CNTNAP5: variants seen among roughly 807,000 people sequenced by gnomAD.
CNTNAP5 encodes the protein contactin associated protein family member 5, also known as contactin-associated protein-like 5.
A neutral mutation model predicts 150.2 loss-of-function variants in CNTNAP5; 72 were observed. That is an observed-to-expected ratio of 0.48 (90% CI 0.40 to 0.58). CNTNAP5 has a LOEUF of 0.58. Among genes scored for constraint, CNTNAP5 ranks in the 20% least tolerant of loss-of-function variants. CNTNAP5 has a pLI of 0.00. For missense variants in CNTNAP5, 1,636 were observed against 1,626.2 expected, an observed-to-expected ratio of 1.01 and a Z score of -0.10; for synonymous variants, 672 against 619.8, an observed-to-expected ratio of 1.08 and a Z score of -1.25.
At chr2:124,076,988 A>G (rs1682452403) in intron 1 of CNTNAP5, among the ~76,000 whole-genome samples, 1 of 152,184 alleles carries the variant, frequency 6.6e-6, no homozygotes, top group African/African-American at 2.4e-5. Flanking sequence ...TATAACATAA[A>G]GAAAAGCTTG....
At chr2:124,119,040 G>A (rs910053040) in intron 1 of CNTNAP5, among the ~76,000 whole-genome samples, 1 of 152,170 alleles carries the variant, frequency 6.6e-6, no homozygotes, top group African/African-American at 2.4e-5. Flanking sequence ...ATCAGACCAA[G>A]CTCTTTAGGG....
At chr2:124,319,429 G>C (rs994812975) in intron 3 of CNTNAP5, among the ~76,000 whole-genome samples, 2 of 152,118 alleles carry the variant, frequency 1.3e-5, no homozygotes, top group African/African-American at 4.8e-5. Context: ...ATGAAGAAAA[G>C]CTAAACCTCA....
chr2:124,369,632 A>G (rs908394503), intron 3 of CNTNAP5, among the ~76,000 whole-genome samples: 1 of 152,196 alleles, frequency 6.6e-6, no homozygotes, highest in African/African-American at 2.4e-5. Flanking sequence ...TAAGCATCAA[A>G]TGACACAATT....
intron 10 of CNTNAP5, among the ~76,000 whole-genome samples, chr2:124,533,244 A>G (rs1279418736): frequency 6.6e-6 from 1 of 152,106 alleles, no homozygotes; most frequent in African/African-American, 2.4e-5. Flanking sequence ...TTCTAGGGCC[A>G]TGCATGCATG....
chr2:124,240,596 A>G (rs922160551), intron 2 of CNTNAP5, among the ~76,000 whole-genome samples: 75 of 152,110 alleles, frequency 4.9e-4, no homozygotes, highest in African/African-American at 1.8e-3. Flanking sequence ...ACATTCCACA[A>G]TAGATGCTGA....
At chr2:124,515,585 T>G (rs113964115) in intron 8 of CNTNAP5, among the ~76,000 whole-genome samples, 3,208 of 152,238 alleles carry the variant, frequency 0.021, 111 homozygotes, top group African/African-American at 0.071. Flanking sequence ...TAGCTGGCTG[T>G]GATAGAAAGT....
At position 124,484,670 on chromosome 2, in the gene CNTNAP5, A is replaced by G. The variant is rs148819918; in HGVS notation, c.1062+9788A>G. ...TCCCCATGAAGACCATAGTCCTGTG[A>G]GTAATCTCTAGCCTGCTCGACAAAT... On this transcript the variant is annotated intron_variant, in intron 7 of 23. Coordinates refer to ENST00000682447, the MANE Select transcript of CNTNAP5 (RefSeq NM_001367498.1). Among the ~76,000 whole-genome samples the G allele has an allele frequency of 7.5e-4, 114 of 152,330 alleles. 1 individual carries two copies. The East Asian group carries it at 0.015, about 20-fold the overall frequency.
Position 124,197,417 on chromosome 2 carries a change from C to T in CNTNAP5, c.83-24288C>T, listed in dbSNP as rs1685614326. ...GTTCTGTTGATACTATTGCATATAG[C>T]TATAGTTTATTTTAAGTGCTGAATG... On this transcript the variant is annotated intron_variant, in intron 1 of 23. Coordinates refer to ENST00000682447, the MANE Select transcript of CNTNAP5 (RefSeq NM_001367498.1). 2.6e-5 allele frequency among the ~76,000 whole-genome samples: 4 copies of T among 152,156 alleles called. No homozygotes were observed. The South Asian group carries it at 8.3e-4, about 32-fold the overall frequency.
intron 1 of CNTNAP5, among the ~76,000 whole-genome samples, chr2:124,124,420 A>T (rs574323545): frequency 6.6e-6 from 1 of 152,356 alleles, no homozygotes; most frequent in East Asian, 1.9e-4. Flanking sequence ...ATGTGAAAAG[A>T]CCAAATCTAC....
At chr2:124,867,562 G>A (rs1313721500) in intron 20 of CNTNAP5, among the ~76,000 whole-genome samples, 1 of 152,054 alleles carries the variant, frequency 6.6e-6, no homozygotes, top group Non-Finnish European at 1.5e-5. Flanking sequence ...TTTATTGCTT[G>A]CCCAATACAA....
intron 4 of CNTNAP5, among the ~76,000 whole-genome samples, chr2:124,429,517 A>G (rs1303128528): frequency 6.6e-6 from 1 of 152,232 alleles, no homozygotes; most frequent in Non-Finnish European, 1.5e-5. Context: ...GAAAGTTTTG[A>G]AAACCCTTTT....
chr2:124,461,575 C>G (rs1693254704), intron 6 of CNTNAP5, among the ~76,000 whole-genome samples: 1 of 150,660 alleles, frequency 6.6e-6, no homozygotes, highest in African/African-American at 2.4e-5. Context: ...ATACCTAATG[C>G]TAGATGACGA....
chr2:124,113,832 A>G (rs1683361493), intron 1 of CNTNAP5, among the ~76,000 whole-genome samples: 1 of 151,816 alleles, frequency 6.6e-6, no homozygotes, highest in Non-Finnish European at 1.5e-5. Context: ...GTAAGGTCAC[A>G]CTTTATTTTT....
intron 13 of CNTNAP5, among the ~76,000 whole-genome samples, chr2:124,674,759 G>A (rs933138460): frequency 2.0e-5 from 3 of 151,732 alleles, no homozygotes; most frequent in African/African-American, 4.8e-5. Context: ...ATTTGGAAGT[G>A]TACTGTTAAA....
intron 9 of CNTNAP5, among the ~76,000 whole-genome samples, chr2:124,525,879 A>G (rs1286785230): frequency 3.3e-5 from 5 of 152,216 alleles, no homozygotes; most frequent in Admixed American, 3.3e-4. Context: ...AAGGCCATAG[A>G]GCTCATGAAT....
chr2:124,893,013 T>G (rs1452013769), intron 21 of CNTNAP5, among the ~76,000 whole-genome samples: 1 of 152,118 alleles, frequency 6.6e-6, no homozygotes, highest in Non-Finnish European at 1.5e-5. Flanking sequence ...CAAAGTTTGC[T>G]GAAGAAGGTT....
At chr2:124,082,330 C>A (rs1228430852) in intron 1 of CNTNAP5, among the ~76,000 whole-genome samples, 1 of 111,390 alleles carries the variant, frequency 9.0e-6, no homozygotes, top group African/African-American at 3.6e-5. Context: ...GCCTGGGCAA[C>A]AGAGTGAGAC....
At chr2:124,679,450 C>CA (rs1679016345) in intron 13 of CNTNAP5, among the ~76,000 whole-genome samples, 1 of 151,866 alleles carries the variant, frequency 6.6e-6, no homozygotes, top group South Asian at 2.1e-4. Flanking sequence ...TCATAGAGGA[C>CA]AGACACCCTT....
intron 13 of CNTNAP5, among the ~76,000 whole-genome samples, chr2:124,738,593 T>G (rs1349421752): frequency 6.6e-6 from 1 of 152,034 alleles, no homozygotes; most frequent in Non-Finnish European, 1.5e-5. Context: ...TAGCCGGGTG[T>G]GGCGGCACAC....
Sources: gnomAD v4.1 joint callset for allele counts (sites outside exome capture counted in the v4.1 genomes callset) on GRCh38, gnomAD v4.1.1 for gene constraint, MANE v1.5 for transcripts, NCBI Gene and HGNC (gene_info 2026-07-23, HGNC 2026-07-21) for gene names.